The following C6orf118 variants were observed in gnomAD, a reference collection of about 807,000 sequenced individuals.
C6orf118 encodes the protein chromosome 6 open reading frame 118, also known as uncharacterized protein C6orf118.
C6orf118 carries 50 observed loss-of-function variants against 50.2 expected under a neutral mutation model. That is an observed-to-expected ratio of 1.00 (90% CI 0.79 to 1.26). The LOEUF (loss-of-function observed/expected upper bound fraction) is 1.26. Ranked by LOEUF, C6orf118 falls within the 50% of genes most tolerant of loss-of-function variation. C6orf118 has a pLI of 0.00. For synonymous variants in C6orf118, 239 were observed against 230.9 expected (o/e 1.03, Z -0.32); for missense variants, 641 against 578.7 (o/e 1.11, Z -1.10).
At chr6:165,298,229 T>A in intron 4 of C6orf118, 128 bp from the exon 5 acceptor site, 4 of 1,170,818 alleles carry the variant, frequency 3.4e-6, no homozygotes, top group Non-Finnish European at 3.4e-6. Context: ...TTAAAATAGG[T>A]AAATTGGGAG....
intron 7 of C6orf118, among the ~76,000 whole-genome samples, chr6:165,288,740 T>C (rs1001722433): frequency 2.6e-5 from 4 of 151,854 alleles, no homozygotes; most frequent in Non-Finnish European, 5.9e-5. Context: ...ACAATGAGAA[T>C]GCATGGACAC....
At chr6:165,307,829 G>C (rs1467818538) in intron 1 of C6orf118, among the ~76,000 whole-genome samples, 1 of 152,148 alleles carries the variant, frequency 6.6e-6, no homozygotes, top group African/African-American at 2.4e-5. Context: ...GGCCAGTGGG[G>C]GTCTGTCCTC....
intron 3 of C6orf118, 21 bp downstream of exon 3, chr6:165,300,343 C>G: frequency 6.2e-7 from 1 of 1,613,230 alleles, no homozygotes; most frequent in Non-Finnish European, 8.5e-7. Context: ...AACTGTTATG[C>G]TGAAGATGTA....
chr6:165,294,508 C>G (rs1266575715), intron 5 of C6orf118, among the ~76,000 whole-genome samples: 1 of 152,096 alleles, frequency 6.6e-6, no homozygotes, highest in Non-Finnish European at 1.5e-5. Context: ...TACAAAGGGC[C>G]TAACATTTTA....
chr6:165,279,982 T>G lies in C6orf118; in HGVS notation c.*75A>C. On this transcript the variant is annotated 3_prime_UTR_variant, in exon 9 of 9. Transcript: ENST00000230301. ...TGAAATGTATCTTTATGAATGTATA[T>G]GCATCTGCAAATATCCATGCTACAT... 7.3e-7 allele frequency: 1 copy of G among 1,376,644 alleles called. No individual in the cohort carries two copies. The highest frequency in any genetic ancestry group is 1.0e-6 in the Non-Finnish European group (1 of 994,882). The allele number at this position is 1,376,644 out of a possible 1,614,324, so 85.3% of individuals were successfully genotyped here.
At chr6:165,285,647 C>T (rs1285312983) in intron 7 of C6orf118, among the ~76,000 whole-genome samples, 1 of 152,066 alleles carries the variant, frequency 6.6e-6, no homozygotes, top group Non-Finnish European at 1.5e-5. Context: ...CACACAACTA[C>T]ATGGAAATTG....
intron 1 of C6orf118, among the ~76,000 whole-genome samples, chr6:165,306,708 T>A (rs1780751445): frequency 6.6e-6 from 1 of 151,286 alleles, no homozygotes; most frequent in African/African-American, 2.5e-5. Flanking sequence ...TGTTATCCTT[T>A]GTTTATTTTA....
chr6:165,283,858 T>C (rs1562475848), intron 7 of C6orf118, among the ~76,000 whole-genome samples: 1 of 152,138 alleles, frequency 6.6e-6, no homozygotes, highest in Non-Finnish European at 1.5e-5. Context: ...GATAAGTGCA[T>C]GAAGATGAGA....
At position 165,299,824 on chromosome 6, in the gene C6orf118, T is replaced by C. The variant is rs1407262477; in HGVS notation, c.877-322A>G. Among the ~76,000 whole-genome samples, 44 of 152,162 alleles carry C rather than the reference T, an allele frequency of 2.9e-4. 1 individual carries two copies. The highest frequency in any genetic ancestry group is 2.9e-5 in the Non-Finnish European group (2 of 68,032). ...CTCAGCCTCTGAGTAGCTGGGATTA[T>C]AGGCATGTGCCACCACGCCCAGCTA... On this transcript the variant is annotated intron_variant, in intron 3 of 8. Transcript: ENST00000230301.
chr6:165,308,689 G>A (rs1161312963), intron 1 of C6orf118, among the ~76,000 whole-genome samples: 1 of 152,032 alleles, frequency 6.6e-6, no homozygotes. Flanking sequence ...GCCGGTGTGC[G>A]GCATGCTGAT....
Position 165,301,708 on chromosome 6 carries a change from T to G in C6orf118, c.614A>C (p.Tyr205Ser). Residue 205 changes from tyrosine (Y) to serine (S), a missense_variant, in exon 2 of 9, where the codon TAC becomes TCC. Physicochemically the swap from Tyr to Ser is moderately radical, Grantham distance 144. Transcript: ENST00000230301. ...GTCTGCGCTGGTGGCTCCGGCCAGGTAGGAGCTGACATAGTGGTGCCGGTC... is the reference window on the plus strand; with the variant it reads ...GTCTGCGCTGGTGGCTCCGGCCAGGGAGGAGCTGACATAGTGGTGCCGGTC... ...TRDRHHYVSS[Y>S]LAGATSADRY... 1 of 1,614,112 alleles carries G rather than the reference T, an allele frequency of 6.2e-7. No homozygotes were observed. The highest frequency in any genetic ancestry group is 1.1e-5 in the South Asian group (1 of 91,080).
At chr6:165,308,055 C>T (rs1780811181) in intron 1 of C6orf118, among the ~76,000 whole-genome samples, 1 of 152,194 alleles carries the variant, frequency 6.6e-6, no homozygotes, top group African/African-American at 2.4e-5. Flanking sequence ...CTGGAAATCC[C>T]ACAGGGAGTG....
chr6:165,293,904 T>C (rs2128159994), intron 5 of C6orf118, among the ~76,000 whole-genome samples: 1 of 152,312 alleles, frequency 6.6e-6, no homozygotes, highest in South Asian at 2.1e-4. Context: ...GTATTATTAT[T>C]CTGTGCAACA....
intron 6 of C6orf118, among the ~76,000 whole-genome samples, chr6:165,291,615 C>T (rs1471223231): frequency 6.6e-6 from 1 of 152,092 alleles, no homozygotes; most frequent in Non-Finnish European, 1.5e-5. Flanking sequence ...GTCTAATAGG[C>T]ACTTGGATAT....
intron 5 of C6orf118, among the ~76,000 whole-genome samples, chr6:165,296,250 G>GTTTTTTT (rs56394079): frequency 0.021 from 2,162 of 102,416 alleles, 95 homozygotes; most frequent in East Asian, 0.033. Flanking sequence ...TTCGTTTTTT[G>GTTTTTTT]TTTTTTTTTT....
chr6:165,302,100 C>G lies in C6orf118; in HGVS notation c.222G>C (p.Glu74Asp). ...CATTGGGCCAGTGCTGTAAGATCGT[C>G]TCCGGAGGCTGGTAGAGCTTGTTGG... ...LNPNKLYQPP[E>D]TILQHWPNAH... The change falls in exon 2 of 9, where the codon GAG (glutamate) becomes GAC (aspartate). Residue 74 changes from glutamate to aspartate, a missense_variant. Physicochemically the swap from Glu to Asp is conservative, Grantham distance 45 (BLOSUM62 2). Coordinates refer to ENST00000230301, the MANE Select transcript of C6orf118 (RefSeq NM_144980.4). 3 of 1,613,948 alleles carry G rather than the reference C, an allele frequency of 1.9e-6. No homozygotes were observed. The highest frequency in any genetic ancestry group is 2.5e-6 in the Non-Finnish European group (3 of 1,180,020).
At chr6:165,282,560 T>A (rs1779762969) in intron 7 of C6orf118, among the ~76,000 whole-genome samples, 1 of 151,992 alleles carries the variant, frequency 6.6e-6, no homozygotes, top group African/African-American at 2.4e-5. Context: ...AGCTACCTGT[T>A]AGGGTTGCTG....
rs1314008395 is a variant in C6orf118 at position 165,301,731 on chromosome 6, G to A, written c.591C>T (p.Asp197=). 1 of 1,614,128 alleles carries A rather than the reference G, an allele frequency of 6.2e-7. No individual in the cohort carries two copies. Among genetic ancestry groups the A allele is most frequent in the Non-Finnish European group, 8.5e-7 (1 of 1,180,030 alleles). ...GGTAGGAGCTGACATAGTGGTGCCG[G>A]TCCCTGGTGCCTCTGGACCCGGCCT... is the stretch of plus-strand genomic sequence containing the variant. ...YQEAGSRGTR[D]RHHYVSSYLA... The change falls in exon 2 of 9, where the codon GAC becomes GAT. Residue 197 remains aspartate, a synonymous_variant. Transcript: ENST00000230301.
rs148261003 is a variant in C6orf118, at chr6:165,298,064, G to A, written c.974C>T (p.Pro325Leu). 804 of 1,612,022 alleles carry A rather than the reference G, an allele frequency of 5.0e-4. 1 individual carries two copies. The highest frequency in any genetic ancestry group is 1.7e-3 in the Middle Eastern group (10 of 6,050). The change falls in exon 5 of 9, where the codon CCG becomes CTG. Residue 325 changes from proline (P) to leucine (L), a missense_variant. Pro to Leu is a moderately conservative substitution (Grantham distance 98). Coordinates refer to ENST00000230301, the MANE Select transcript of C6orf118 (RefSeq NM_144980.4). ...LAQLKALGQR[P>L]VKTADMDLAR... ...GAGATCCATGTCCGCCGTCTTCACC[G>A]GCCTCTGCCCCAGCGCCTTGAGTTG...
Sources: gnomAD v4.1 joint callset for allele counts (sites outside exome capture counted in the v4.1 genomes callset) on GRCh38, gnomAD v4.1.1 for gene constraint, MANE v1.5 for transcripts, NCBI Gene and HGNC (gene_info 2026-07-23, HGNC 2026-07-21) for gene names.